MAST2: variants seen among roughly 807,000 people sequenced by gnomAD.
The protein encoded by MAST2 is microtubule-associated serine/threonine-protein kinase 2.
MAST2 carries 70 observed loss-of-function variants against 147.4 expected under a neutral mutation model. The ratio of observed to expected loss-of-function variants is 0.47; its 90% CI spans 0.39 to 0.58. MAST2 has a LOEUF of 0.58. Ranked by LOEUF, MAST2 falls within the 20% of genes least tolerant of loss-of-function variation. MAST2 has a pLI of 0.00. For synonymous variants in MAST2, 869 were observed against 896.8 expected (o/e 0.97, Z 0.55); for missense variants, 2,080 against 2,302.3 (o/e 0.90, Z 1.98).
At chr1:45,906,989 C>CT (rs1650864296) in intron 4 of MAST2, among the ~76,000 whole-genome samples, 1 of 152,102 alleles carries the variant, frequency 6.6e-6, no homozygotes, top group South Asian at 2.1e-4. Flanking sequence ...CAGTAACATG[C>CT]TATACAGGTT....
At chr1:46,029,377 C>G in intron 18 of MAST2, 89 bp from the exon 19 acceptor site, 1 of 1,117,582 alleles carries the variant, frequency 8.9e-7, no homozygotes, top group African/African-American at 1.5e-5. Flanking sequence ...CTTTTTGCCT[C>G]CTTTCCTTTC....
chr1:45,817,390 G>A (rs1408321850), intron 1 of MAST2, among the ~76,000 whole-genome samples: 2 of 152,070 alleles, frequency 1.3e-5, no homozygotes, highest in African/African-American at 4.8e-5. Context: ...ACTTTTCAGT[G>A]GAAACCCCTT....
intron 2 of MAST2, among the ~76,000 whole-genome samples, 199 bp from the exon 3 acceptor site, chr1:45,829,240 A>G (rs1285649376): frequency 1.3e-5 from 2 of 152,132 alleles, no homozygotes; most frequent in East Asian, 3.8e-4. Flanking sequence ...TCAGTGTTCC[A>G]CTTGCCATTA....
At chr1:45,850,543 AGTTT>A (rs938098063) in intron 3 of MAST2, among the ~76,000 whole-genome samples, 5 of 126,388 alleles carry the variant, frequency 4.0e-5, no homozygotes, top group African/African-American at 1.5e-4. Context: ...GGTGTTTCCT[AGTTT>A]GTTTGTTTGT....
chr1:45,837,691 A>G (rs1310673625), intron 3 of MAST2, among the ~76,000 whole-genome samples: 4 of 152,230 alleles, frequency 2.6e-5, no homozygotes, highest in Non-Finnish European at 4.4e-5. Context: ...TATCTTTATA[A>G]GAAACTGCCA....
intron 5 of MAST2, among the ~76,000 whole-genome samples, chr1:45,969,591 C>T (rs949472251): frequency 6.6e-6 from 1 of 151,966 alleles, no homozygotes; most frequent in Non-Finnish European, 1.5e-5. Flanking sequence ...CTAGGTTGCA[C>T]ACTTCTTATT....
rs35371770 is a variant in MAST2 at position 45,857,850 on chromosome 1, G to GTTTTTTTTTTTTTTTTTTTTTTTTTTTT, written c.469-24491_469-24490insTTTTTTTTTTTTTTTTTTTTTTTTTTTT. On this transcript the variant is annotated intron_variant, in intron 3 of 28. Coordinates refer to ENST00000361297, the MANE Select transcript of MAST2 (RefSeq NM_015112.3). Reference sequence around the variant, plus strand: ...CTACCTATGAGTGAGAACATGCGGTGTTTTTTTTTTTTTTTTTTTTTTTGT... The same window carrying GTTTTTTTTTTTTTTTTTTTTTTTTTTTT: ...CTACCTATGAGTGAGAACATGCGGTGTTTTTTTTTTTTTTTTTTTTTTTTTTTTTTTTTTTTTTTTTTTTTTTTTTTGT... Among the ~76,000 whole-genome samples the GTTTTTTTTTTTTTTTTTTTTTTTTTTTT allele has an allele frequency of 7.5e-5, 5 of 66,572 alleles. 1 individual carries two copies. Among genetic ancestry groups the GTTTTTTTTTTTTTTTTTTTTTTTTTTTT allele is most frequent in the African/African-American group, 2.4e-4 (4 of 16,924 alleles). The allele number at this position is 66,572 out of a possible 152,430, so 43.7% of individuals were successfully genotyped here.
At chr1:45,989,545 C>T (rs535783160) in intron 5 of MAST2, among the ~76,000 whole-genome samples, 7 of 152,084 alleles carry the variant, frequency 4.6e-5, no homozygotes, top group Non-Finnish European at 8.8e-5. Flanking sequence ...ATCCTCTGAT[C>T]TCATAAGTTA....
intron 3 of MAST2, among the ~76,000 whole-genome samples, chr1:45,874,494 A>G (rs1193576667): frequency 2.0e-5 from 3 of 152,238 alleles, no homozygotes; most frequent in African/African-American, 7.2e-5. Flanking sequence ...AATAGAGCAT[A>G]TTCTTCCCCT....
intron 4 of MAST2, among the ~76,000 whole-genome samples, chr1:45,900,173 C>CAAAAAAAAA (rs59051138): frequency 0.11 from 5,835 of 53,810 alleles, 754 homozygotes; most frequent in Non-Finnish European, 0.13. Flanking sequence ...CTCTCTCTCT[C>CAAAAAAAAA]AAAAAAAAAA....
At chr1:45,917,670 T>C in intron 4 of MAST2, 3 of 583,880 alleles carry the variant, frequency 5.1e-6, no homozygotes, top group South Asian at 1.9e-5. Flanking sequence ...AAAATAAATA[T>C]CACAGATTTC....
In MAST2 at chr1:46,035,948, G is replaced by A. The variant is rs545752601; in HGVS notation, c.5279G>A (p.Arg1760Gln). ...GACAGAAGGCAGGACGTTCCATGCCGAGGCTGCCCCCTCACCCAGAAGTCT... is the reference window on the plus strand; with the variant it reads ...GACAGAAGGCAGGACGTTCCATGCCAAGGCTGCCCCCTCACCCAGAAGTCT... ...SGDRRQDVPC[R>Q]GCPLTQKSEP... The change falls in exon 29 of 29, where the codon CGA becomes CAA. Residue 1760 changes from arginine to glutamine, a missense_variant. Physicochemically the swap from Arg to Gln is conservative, Grantham distance 43. Transcript: ENST00000361297. The surrounding 1 kb of genome is among the most constrained non-coding windows in gnomAD (Gnocchi z 5.5). 32 of 1,613,884 alleles carry A rather than the reference G, an allele frequency of 2.0e-5. No homozygotes were observed. The highest frequency in any genetic ancestry group is 2.3e-5 in the Non-Finnish European group (27 of 1,180,044).
chr1:46,006,669 T>C (rs538733574), intron 8 of MAST2: 1 of 241,014 alleles, frequency 4.1e-6, no homozygotes, highest in African/African-American at 2.2e-5. Flanking sequence ...CATAATACAT[T>C]GGCCAGCTTG....
rs184099800 is a variant in MAST2 at position 45,998,069 on chromosome 1, C to T, written c.668+270C>T. Among the ~76,000 whole-genome samples the T allele has an allele frequency of 5.8e-4, 87 of 149,482 alleles. 2 individuals carry two copies. Among genetic ancestry groups the T allele is most frequent in the Admixed American group, 5.8e-3 (87 of 14,966 alleles). ...AAAGTAGATTTATTTGTATAATTCA[C>T]TTTTTTTTTTAAGTCCCTGATGTCC... On this transcript the variant is annotated intron_variant, in intron 6 of 28. Transcript: ENST00000361297.
chr1:45,817,407 CAA>C lies in MAST2; in HGVS notation c.178-7025_178-7024del, dbSNP rs1491250694. ...TTTTCAGTGGAAACCCCTTACAGGC[CAA>C]GAGAGAGAGGCATGACATATTTAAA... On this transcript the variant is annotated intron_variant, in intron 1 of 28. Coordinates refer to ENST00000361297, the MANE Select transcript of MAST2 (RefSeq NM_015112.3). Among the ~76,000 whole-genome samples the C allele has an allele frequency of 5.3e-5, 8 of 152,028 alleles. No individual in the cohort carries two copies. The East Asian group carries it at 1.5e-3, about 29-fold the overall frequency.
intron 4 of MAST2, among the ~76,000 whole-genome samples, chr1:45,944,887 T>C (rs905337941): frequency 3.3e-5 from 5 of 152,234 alleles, no homozygotes; most frequent in African/African-American, 1.2e-4. Flanking sequence ...TCTTCACATA[T>C]CTAAGTCTCT....
intron 4 of MAST2, among the ~76,000 whole-genome samples, chr1:45,917,913 G>C (rs927643037): frequency 6.6e-6 from 1 of 152,142 alleles, no homozygotes; most frequent in African/African-American, 2.4e-5. Context: ...GGTTTGTTCA[G>C]GTTGAGGAAA....
intron 4 of MAST2, among the ~76,000 whole-genome samples, chr1:45,951,052 T>C (rs1253371163): frequency 1.3e-5 from 2 of 151,532 alleles, no homozygotes; most frequent in African/African-American, 4.9e-5. Context: ...GTCTCATCTC[T>C]ACTAAATTTT....
intron 1 of MAST2, among the ~76,000 whole-genome samples, chr1:45,822,752 T>A (rs1286647667): frequency 1.3e-5 from 2 of 151,690 alleles, no homozygotes; most frequent in Admixed American, 1.3e-4. Context: ...GTCACCTTTG[T>A]GAGTGGCCAA....
Sources: gnomAD v4.1 joint callset for allele counts (sites outside exome capture counted in the v4.1 genomes callset) on GRCh38, gnomAD v4.1.1 for gene constraint, Gnocchi (gnomAD v3.1) non-coding constraint, MANE v1.5 for transcripts, NCBI Gene and HGNC (gene_info 2026-07-23, HGNC 2026-07-21) for gene names.